The following PCDHA8 variants were observed in gnomAD, a reference collection of about 807,000 sequenced individuals.
The protein encoded by PCDHA8 is protocadherin alpha 8.
In PCDHA8, 53 loss-of-function variants were observed where a neutral mutation model predicts 61.8. The ratio of observed to expected loss-of-function variants is 0.86; its 90% CI spans 0.69 to 1.08. The LOEUF is 1.08. Among genes scored for constraint, PCDHA8 ranks in the 50% least tolerant of loss-of-function variants. The pLI, the probability that PCDHA8 is intolerant of heterozygous loss-of-function variation, is 0.00. For missense variants in PCDHA8, 1,293 were observed against 1,245.0 expected (o/e 1.04, Z -0.58); for synonymous variants, 618 against 556.6 (o/e 1.11, Z -1.55).
chr5:140,952,813 G>A (rs1162015418), intron 1 of PCDHA8, among the ~76,000 whole-genome samples: 1 of 152,158 alleles, frequency 6.6e-6, no homozygotes, highest in African/African-American at 2.4e-5. Context: ...TCTGCAGGCT[G>A]TACAGGAAGC....
At chr5:140,878,575 C>T (rs1339417321) in intron 1 of PCDHA8, among the ~76,000 whole-genome samples, 1 of 152,222 alleles carries the variant, frequency 6.6e-6, no homozygotes, top group African/African-American at 2.4e-5. Context: ...TAGTATACCA[C>T]TGCCCTGTGC....
At chr5:141,002,333 G>A (rs782123745) in intron 3 of PCDHA8, among the ~76,000 whole-genome samples, 15 of 152,314 alleles carry the variant, frequency 9.8e-5, no homozygotes, top group Non-Finnish European at 1.8e-4. Flanking sequence ...GGCTGCATCC[G>A]CACCCCTTCC....
intron 1 of PCDHA8, chr5:140,871,646 A>G: frequency 7.8e-7 from 1 of 1,275,646 alleles, no homozygotes; most frequent in Non-Finnish European, 1.1e-6. Flanking sequence ...TAAAATACCA[A>G]ATGATACACA....
At chr5:140,897,130 C>A (rs913808184) in intron 1 of PCDHA8, among the ~76,000 whole-genome samples, 11 of 152,118 alleles carry the variant, frequency 7.2e-5, no homozygotes, top group Non-Finnish European at 5.9e-5. Flanking sequence ...CCCCACTAAA[C>A]TTTCTAGCCT....
rs782188760 is a variant in PCDHA8, at chr5:140,877,108, G to A, written c.2394+33393G>A. 2.5e-5 allele frequency: 41 copies of A among 1,613,540 alleles called. No individual in the cohort carries two copies. Among genetic ancestry groups the A allele is most frequent in the South Asian group, 1.1e-4 (10 of 91,052 alleles). ...GCGCGACGCCGGCGTGCCGCCTCTG[G>A]GCAGCAACGTGACGCTGCAGGTGTT... On this transcript the variant is annotated intron_variant, in intron 1 of 3. Transcript: ENST00000531613.
chr5:140,882,816 A>C, intron 1 of PCDHA8: 3 of 1,614,266 alleles, frequency 1.9e-6, no homozygotes, highest in Non-Finnish European at 2.5e-6. Flanking sequence ...TTGGACGCAC[A>C]AAACAGTCTT....
chr5:140,946,875 G>T (rs1283632599), intron 1 of PCDHA8, among the ~76,000 whole-genome samples: 1 of 151,288 alleles, frequency 6.6e-6, no homozygotes, highest in Non-Finnish European at 1.5e-5. Flanking sequence ...TGGTCAATGG[G>T]TACGAAGTTA....
intron 1 of PCDHA8, among the ~76,000 whole-genome samples, chr5:140,913,494 T>C (rs1554195964): frequency 6.6e-6 from 1 of 152,116 alleles, no homozygotes; most frequent in Non-Finnish European, 1.5e-5. Flanking sequence ...CATTAGTCTG[T>C]TTAAAACTTT....
chr5:140,853,476 A>G (rs2042763502), intron 1 of PCDHA8: 2 of 972,352 alleles, frequency 2.1e-6, no homozygotes, highest in South Asian at 4.8e-5. Context: ...TGTAGTTAAC[A>G]TTCCTCAATT....
At chr5:140,915,096 C>T (rs530875134) in intron 1 of PCDHA8, among the ~76,000 whole-genome samples, 1 of 152,060 alleles carries the variant, frequency 6.6e-6, no homozygotes, top group Admixed American at 6.5e-5. Context: ...TGGGCACGCA[C>T]CACCACAACA....
At chr5:140,941,255 C>CTTTCTTTCTTTCTTTCTT (rs782490896) in intron 1 of PCDHA8, among the ~76,000 whole-genome samples, 39 of 44,506 alleles carry the variant, frequency 8.8e-4, no homozygotes, top group Middle Eastern at 0.012. Flanking sequence ...TTCTTTCTTT[C>CTTTCTTTCTTTCTTTCTT]TCTTTCTTTC....
chr5:140,894,525 A>G (rs544789222), intron 1 of PCDHA8, among the ~76,000 whole-genome samples: 11 of 151,856 alleles, frequency 7.2e-5, no homozygotes, highest in African/African-American at 2.7e-4. Context: ...ATATGCTGTT[A>G]TGTGCCTTCT....
At chr5:140,874,326 GT>G (rs150189539) in intron 1 of PCDHA8, among the ~76,000 whole-genome samples, 3,860 of 152,194 alleles carry the variant, frequency 0.025, 154 homozygotes, top group African/African-American at 0.088. Flanking sequence ...GATCTTATCT[GT>G]TTTTTTCTCT....
At chr5:140,858,769 A>T in intron 1 of PCDHA8, 1 of 441,686 alleles carries the variant, frequency 2.3e-6, no homozygotes, top group Non-Finnish European at 4.1e-6. Flanking sequence ...TATTTGTGAG[A>T]TTAGTACTTC....
chr5:140,891,893 CAAG>C (rs2063302978), intron 1 of PCDHA8, among the ~76,000 whole-genome samples: 1 of 152,210 alleles, frequency 6.6e-6, no homozygotes, highest in Non-Finnish European at 1.5e-5. Flanking sequence ...GACGATGCAG[CAAG>C]AAGATCTTCA....
At chr5:141,008,751 AG>A (rs1234240078) in intron 3 of PCDHA8, among the ~76,000 whole-genome samples, 11 of 152,244 alleles carry the variant, frequency 7.2e-5, no homozygotes, top group African/African-American at 2.2e-4. Context: ...CACTGAGGGA[AG>A]GAATTTGGCT....
At chr5:140,877,869 T>G (rs782747532) in intron 1 of PCDHA8, 1 of 1,488,856 alleles carries the variant, frequency 6.7e-7, no homozygotes, top group African/African-American at 1.4e-5. Context: ...TAGATATATT[T>G]GTTTCCTTGA....
chr5:140,862,975 G>A (rs2047690621), intron 1 of PCDHA8: 2 of 544,994 alleles, frequency 3.7e-6, no homozygotes, highest in Middle Eastern at 3.0e-4. Context: ...CAGGCCACTT[G>A]GTGGCGAAGG....
At position 140,877,189 on chromosome 5, in the gene PCDHA8, G is replaced by C. The variant is rs370743077; in HGVS notation, c.2394+33474G>C. ...ACTGCTGGCGACTCCGGCTGGCAGC[G>C]CAGGAGGCGCAGTTAGCGAGTTGGT... On this transcript the variant is annotated intron_variant, in intron 1 of 3. Coordinates refer to ENST00000531613, the MANE Select transcript of PCDHA8 (RefSeq NM_018911.3). The C allele has an allele frequency of 5.1e-5, 82 of 1,613,690 alleles. No homozygotes were observed. Among genetic ancestry groups the C allele is most frequent in the Non-Finnish European group, 6.4e-5 (75 of 1,179,826 alleles).
Sources: gnomAD v4.1 joint callset for allele counts (sites outside exome capture counted in the v4.1 genomes callset) on GRCh38, gnomAD v4.1.1 for gene constraint, MANE v1.5 for transcripts, NCBI Gene and HGNC (gene_info 2026-07-23, HGNC 2026-07-21) for gene names.